Variants in CCDC102B observed in about 807,000 individuals in gnomAD.
The protein encoded by CCDC102B is coiled-coil domain-containing protein 102B.
A neutral mutation model predicts 57.4 loss-of-function variants in CCDC102B; 75 were observed. The ratio of observed to expected loss-of-function variants is 1.31; its 90% CI spans 1.08 to 1.58. The LOEUF (loss-of-function observed/expected upper bound fraction) is 1.58, where lower values mean the gene tolerates loss of function less well. CCDC102B is among the 40% of genes most tolerant of loss of function. The probability of loss-of-function intolerance (pLI) is 0.00; values close to 1 mark genes in which losing one functional copy is unlikely to be tolerated. For missense variants in CCDC102B, 636 were observed against 582.6 expected (o/e 1.09, Z -0.94); for synonymous variants, 206 against 201.9 (o/e 1.02, Z -0.17).
intron 2 of CCDC102B, among the ~76,000 whole-genome samples, chr18:68,792,885 A>G (rs564248857): frequency 2.3e-4 from 35 of 152,362 alleles, no homozygotes; most frequent in African/African-American, 7.7e-4. Context: ...ATAAAAGTGC[A>G]TATTCTGTTT....
chr18:69,035,957 C>T (rs1219790416), intron 7 of CCDC102B, among the ~76,000 whole-genome samples: 1 of 152,060 alleles, frequency 6.6e-6, no homozygotes, highest in Non-Finnish European at 1.5e-5. Context: ...ACTGTGGATG[C>T]CCTGGAGCAG....
chr18:68,842,704 G>A (rs2037690254), intron 3 of CCDC102B, among the ~76,000 whole-genome samples: 1 of 152,154 alleles, frequency 6.6e-6, no homozygotes, highest in Non-Finnish European at 1.5e-5. Flanking sequence ...TCCCGTATTG[G>A]TGATCTTGAG....
At chr18:69,047,859 T>TA (rs1053994099) in intron 7 of CCDC102B, among the ~76,000 whole-genome samples, 1 of 152,106 alleles carries the variant, frequency 6.6e-6, no homozygotes, top group African/African-American at 2.4e-5. Context: ...CAATGAGAGT[T>TA]ACACTGCTCA....
chr18:68,730,660 C>G (rs886705587), intron 2 of CCDC102B, among the ~76,000 whole-genome samples: 1 of 152,122 alleles, frequency 6.6e-6, no homozygotes, highest in Non-Finnish European at 1.5e-5. Flanking sequence ...ATCTCACACT[C>G]GTTCATATAC....
At chr18:69,032,630 G>A (rs1244218185) in intron 7 of CCDC102B, among the ~76,000 whole-genome samples, 2 of 152,044 alleles carry the variant, frequency 1.3e-5, no homozygotes, top group African/African-American at 2.4e-5. Flanking sequence ...GATAACATTG[G>A]ATAAATGTCC....
At chr18:68,874,210 GTGTATA>G (rs1407466327) in intron 4 of CCDC102B, among the ~76,000 whole-genome samples, 7,023 of 126,624 alleles carry the variant, frequency 0.055, 171 homozygotes, top group Middle Eastern at 0.071. Flanking sequence ...GTGTGTGTGT[GTGTATA>G]TATATATACT....
chr18:69,009,924 A>ATTTT (rs770668683), intron 6 of CCDC102B, among the ~76,000 whole-genome samples: 2,420 of 33,392 alleles, frequency 0.072, 905 homozygotes, highest in Non-Finnish European at 0.12. Context: ...TTTAATAAAG[A>ATTTT]TTTTTTTTTT....
At chr18:68,889,450 G>T (rs890270108) in intron 5 of CCDC102B, among the ~76,000 whole-genome samples, 1 of 152,044 alleles carries the variant, frequency 6.6e-6, no homozygotes, top group South Asian at 2.1e-4. Context: ...ATGGAGTTTC[G>T]CTCTTGTTGT....
chr18:68,812,756 TG>T (rs1395010502), intron 1 of CCDC102B, among the ~76,000 whole-genome samples: 8 of 152,222 alleles, frequency 5.3e-5, no homozygotes, highest in African/African-American at 1.7e-4. Flanking sequence ...TCTACATTTT[TG>T]TTGTTGTTGC....
Position 68,838,666 on chromosome 18 carries a change from C to T in CCDC102B, c.607-40C>T, listed in dbSNP as rs761237461. ...AATGTTTTGTCATCATGATTTTTCT[C>T]CAGGAGGTTTAAATATGTTTTGTTT... On this transcript the variant is annotated intron_variant, in intron 2 of 7. Transcript: ENST00000360242. 1.9e-6 allele frequency: 3 copies of T among 1,587,420 alleles called. No homozygotes were observed. In the South Asian group the frequency reaches 3.4e-5, roughly 18 times the overall value.
chr18:69,009,812 G>A (rs1376975974), intron 6 of CCDC102B, among the ~76,000 whole-genome samples: 2 of 149,926 alleles, frequency 1.3e-5, no homozygotes, highest in African/African-American at 4.9e-5. Context: ...TGTATATAAA[G>A]TAATATGACA....
At chr18:68,858,353 A>G (rs2038578370) in intron 4 of CCDC102B, among the ~76,000 whole-genome samples, 2 of 152,140 alleles carry the variant, frequency 1.3e-5, no homozygotes, top group East Asian at 3.9e-4. Flanking sequence ...AAGCAATTTG[A>G]TTGTAATGTA....
chr18:69,025,010 A>G (rs1008231163), intron 7 of CCDC102B, among the ~76,000 whole-genome samples: 12 of 152,168 alleles, frequency 7.9e-5, no homozygotes, highest in Non-Finnish European at 1.5e-4. Context: ...TGGTGTTAAT[A>G]TAATTTCTCA....
chr18:68,921,545 G>A (rs970168601), intron 6 of CCDC102B, among the ~76,000 whole-genome samples: 2 of 152,320 alleles, frequency 1.3e-5, no homozygotes, highest in African/African-American at 4.8e-5. Context: ...TGGGGCCAGT[G>A]TAATCACAAG....
At chr18:68,852,814 G>A (rs2038192584) in intron 4 of CCDC102B, among the ~76,000 whole-genome samples, 1 of 152,068 alleles carries the variant, frequency 6.6e-6, no homozygotes, top group Non-Finnish European at 1.5e-5. Context: ...GTTTTTGAAC[G>A]AAACGATTTT....
intron 7 of CCDC102B, among the ~76,000 whole-genome samples, chr18:69,023,922 ACATT>A (rs1261729638): frequency 6.6e-6 from 1 of 152,036 alleles, no homozygotes; most frequent in East Asian, 1.9e-4. Flanking sequence ...AACCTTTTTA[ACATT>A]CAGTGATTTT....
At chr18:68,900,042 T>C (rs925107049) in intron 6 of CCDC102B, 4 of 152,106 alleles carry the variant, frequency 2.6e-5, no homozygotes, top group African/African-American at 9.7e-5. Flanking sequence ...ACTACTCTGG[T>C]GGTATCTATA....
intron 7 of CCDC102B, among the ~76,000 whole-genome samples, chr18:69,049,164 A>G (rs574655180): frequency 6.6e-6 from 1 of 151,958 alleles, no homozygotes; most frequent in East Asian, 1.9e-4. Context: ...TACATTAGGT[A>G]TCTCTCCTAA....
chr18:68,782,907 G>A (rs1568247433), intron 2 of CCDC102B, among the ~76,000 whole-genome samples: 1 of 152,058 alleles, frequency 6.6e-6, no homozygotes, highest in Non-Finnish European at 1.5e-5. Flanking sequence ...CGTATGTGAG[G>A]CCATTCTTTT....
Sources: gnomAD v4.1 joint callset for allele counts (sites outside exome capture counted in the v4.1 genomes callset) on GRCh38, gnomAD v4.1.1 for gene constraint, MANE v1.5 for transcripts, NCBI Gene and HGNC (gene_info 2026-07-23, HGNC 2026-07-21) for gene names.